Variants in B3GAT2 observed in about 807,000 individuals in gnomAD.
The protein encoded by B3GAT2 is galactosylgalactosylxylosylprotein 3-beta-glucuronosyltransferase 2.
Under a neutral mutation model 27.8 loss-of-function variants are expected in B3GAT2, and 26 were observed. The observed-to-expected ratio is 0.93, with a 90% confidence interval of 0.68 to 1.30. The LOEUF (loss-of-function observed/expected upper bound fraction) is 1.30, where lower values mean the gene tolerates loss of function less well. Among genes scored for constraint, B3GAT2 ranks in the 50% most tolerant of loss-of-function variants. B3GAT2 has a pLI of 0.00. For missense variants in B3GAT2, 458 were observed against 459.0 expected (o/e 1.00, Z 0.02); for synonymous variants, 218 against 195.1 (o/e 1.12, Z -0.98).
chr6:70,870,949 T>C (rs946378977), intron 2 of B3GAT2, among the ~76,000 whole-genome samples: 1 of 152,140 alleles, frequency 6.6e-6, no homozygotes, highest in Admixed American at 6.6e-5. Flanking sequence ...TCTAGTGTTT[T>C]TATCATGAAA....
At chr6:70,949,325 C>A (rs1487960361) in intron 1 of B3GAT2, among the ~76,000 whole-genome samples, 2 of 152,142 alleles carry the variant, frequency 1.3e-5, no homozygotes, top group Non-Finnish European at 2.9e-5. Flanking sequence ...GGGCTAATAT[C>A]CAGAATCTAC....
At chr6:70,935,605 T>C (rs530740255) in intron 1 of B3GAT2, among the ~76,000 whole-genome samples, 73 of 152,332 alleles carry the variant, frequency 4.8e-4, no homozygotes, top group Non-Finnish European at 1.0e-3. Context: ...TGTCAACATT[T>C]ATAATGCACT....
chr6:70,889,086 C>G (rs1340301127), intron 2 of B3GAT2, among the ~76,000 whole-genome samples: 1 of 152,164 alleles, frequency 6.6e-6, no homozygotes, highest in East Asian at 1.9e-4. Flanking sequence ...CCTCTATTAA[C>G]ATTTGGCGGA....
At chr6:70,938,981 A>T (rs9455262) in intron 1 of B3GAT2, among the ~76,000 whole-genome samples, 53 of 152,060 alleles carry the variant, frequency 3.5e-4, no homozygotes, top group Middle Eastern at 3.4e-3. Flanking sequence ...AATGGGAGAA[A>T]ATATTCGCAA....
chr6:70,902,109 G>C (rs907137420), intron 1 of B3GAT2, among the ~76,000 whole-genome samples: 1 of 152,130 alleles, frequency 6.6e-6, no homozygotes, highest in Non-Finnish European at 1.5e-5. Context: ...GGACTGTCTA[G>C]GAGGGGCCTG....
chr6:70,914,613 C>A (rs532604025), intron 1 of B3GAT2, among the ~76,000 whole-genome samples: 1 of 151,850 alleles, frequency 6.6e-6, no homozygotes, highest in African/African-American at 2.4e-5. Context: ...GATGTTTTCC[C>A]CTCTTGGTGC....
intron 1 of B3GAT2, among the ~76,000 whole-genome samples, chr6:70,910,439 C>T (rs1446205526): frequency 6.6e-6 from 1 of 152,136 alleles, no homozygotes; most frequent in Non-Finnish European, 1.5e-5. Context: ...GTTTTCTGTT[C>T]CTACATTAGT....
At chr6:70,938,239 C>A (rs1313389324) in intron 1 of B3GAT2, among the ~76,000 whole-genome samples, 10 of 117,602 alleles carry the variant, frequency 8.5e-5, no homozygotes, top group Non-Finnish European at 1.6e-4. Context: ...AACCACTGCT[C>A]AATGAAATAA....
At position 70,890,860 on chromosome 6, in the gene B3GAT2, G is replaced by A. The variant is rs183626826; in HGVS notation, c.736+3268C>T. ...GGAACTGCATATACTGTCATTAATG[G>A]AGCACCGTGTCCCACGGGCCACATC... On this transcript the variant is annotated intron_variant, in intron 2 of 3. Coordinates refer to ENST00000230053, the MANE Select transcript of B3GAT2 (RefSeq NM_080742.3). Among the ~76,000 whole-genome samples, 37 of 152,356 alleles carry A rather than the reference G, an allele frequency of 2.4e-4. 1 individual carries two copies. In the East Asian group the frequency reaches 6.8e-3, roughly 28 times the overall value.
rs1771675474 is a variant in B3GAT2 at position 70,860,576 on chromosome 6, A to G, written c.*1087T>C. ...TATTTCCCATGATTTCATGTACTGC[A>G]TTATTTGAGAAGCTGCTCAACTTGC... is the stretch of plus-strand genomic sequence containing the variant. On this transcript the variant is annotated 3_prime_UTR_variant, in exon 4 of 4. Transcript: ENST00000230053. The G allele has an allele frequency of 4.6e-6, 2 of 438,046 alleles. No individual in the cohort carries two copies. Among genetic ancestry groups the G allele is most frequent in the East Asian group, 6.9e-5 (2 of 29,132 alleles). The allele number at this position is 438,046 out of a possible 1,614,324, so 27.1% of individuals were successfully genotyped here.
chr6:70,940,424 CAGA>C (rs1413686658), intron 1 of B3GAT2, among the ~76,000 whole-genome samples: 1 of 151,956 alleles, frequency 6.6e-6, no homozygotes, highest in Non-Finnish European at 1.5e-5. Context: ...AGGTGCTGGT[CAGA>C]AGAATATTCC....
chr6:70,909,712 C>T (rs556586827), intron 1 of B3GAT2, among the ~76,000 whole-genome samples: 81 of 152,338 alleles, frequency 5.3e-4, no homozygotes, highest in African/African-American at 1.9e-3. Flanking sequence ...GCCCAACCTT[C>T]TCTATCCTGC....
At chr6:70,950,255 G>T (rs1233218839) in intron 1 of B3GAT2, among the ~76,000 whole-genome samples, 6 of 146,094 alleles carry the variant, frequency 4.1e-5, no homozygotes, top group Admixed American at 1.4e-4. Flanking sequence ...TCAACCCACA[G>T]AACAAAGAAA....
At chr6:70,925,735 CA>C (rs1289219634) in intron 1 of B3GAT2, among the ~76,000 whole-genome samples, 1 of 152,230 alleles carries the variant, frequency 6.6e-6, no homozygotes, top group Non-Finnish European at 1.5e-5. Flanking sequence ...CATAACTTAA[CA>C]AAAGGCAGCA....
intron 2 of B3GAT2, among the ~76,000 whole-genome samples, chr6:70,872,662 GGTT>G (rs775257568): frequency 3.4e-4 from 52 of 150,792 alleles, no homozygotes; most frequent in Non-Finnish European, 6.7e-4. Flanking sequence ...CTTTTGATTG[GGTT>G]TTTTATCCAG....
chr6:70,881,298 C>A (rs1310665079), intron 2 of B3GAT2, among the ~76,000 whole-genome samples: 1 of 152,124 alleles, frequency 6.6e-6, no homozygotes, highest in Non-Finnish European at 1.5e-5. Context: ...TTTATGATGC[C>A]ACATCTTTTA....
At chr6:70,889,567 C>T (rs2150029790) in intron 2 of B3GAT2, among the ~76,000 whole-genome samples, 1 of 152,284 alleles carries the variant, frequency 6.6e-6, no homozygotes, top group South Asian at 2.1e-4. Context: ...GGTGCACCGC[C>T]TTACACAACC....
intron 2 of B3GAT2, 46 bp downstream of exon 2, chr6:70,894,082 T>A (rs760977667): frequency 6.6e-6 from 10 of 1,515,938 alleles, no homozygotes; most frequent in Non-Finnish European, 8.0e-6. Context: ...AACAAGAGCA[T>A]AAGAACAGTC....
chr6:70,878,660 C>CT (rs903727708), intron 2 of B3GAT2, among the ~76,000 whole-genome samples: 63 of 142,744 alleles, frequency 4.4e-4, no homozygotes, highest in East Asian at 1.8e-3. Flanking sequence ...GCATTACATA[C>CT]TTTTTTTTTT....
Sources: allele counts gnomAD v4.1 joint callset (sites outside exome capture counted in the v4.1 genomes callset), GRCh38; gene constraint gnomAD v4.1.1; transcripts MANE v1.5; gene names NCBI Gene and HGNC (gene_info 2026-07-23, HGNC 2026-07-21).